Variants in NEK7 observed in about 807,000 individuals in gnomAD.
NEK7 encodes serine/threonine-protein kinase Nek7.
NEK7 carries 18 observed loss-of-function variants against 44.6 expected under a neutral mutation model. The ratio of observed to expected loss-of-function variants is 0.40; its 90% confidence interval spans 0.28 to 0.60. NEK7 has a LOEUF of 0.60. Ranked by LOEUF, NEK7 falls within the 20% of genes least tolerant of loss-of-function variation. The pLI is 0.38. For synonymous variants in NEK7, 130 were observed against 121.1 expected (o/e 1.07, Z -0.48); for missense variants, 256 against 366.5 (o/e 0.70, Z 2.46).
chr1:198,257,641 C>G (rs1183613874), intron 3 of NEK7, among the ~76,000 whole-genome samples: 1 of 152,066 alleles, frequency 6.6e-6, no homozygotes, highest in Non-Finnish European at 1.5e-5. Flanking sequence ...GAAAACTAAG[C>G]ATTTGTAAGA....
intron 1 of NEK7, among the ~76,000 whole-genome samples, chr1:198,189,351 A>T (rs987729410): frequency 6.6e-6 from 1 of 152,170 alleles, no homozygotes; most frequent in Non-Finnish European, 1.5e-5. Context: ...TGAGAGAAAA[A>T]GTTCATATTT....
intron 1 of NEK7, among the ~76,000 whole-genome samples, chr1:198,171,859 A>G (rs1161201361): frequency 6.6e-6 from 1 of 152,034 alleles, no homozygotes; most frequent in Non-Finnish European, 1.5e-5. Context: ...ACTCACCTTG[A>G]GTGTCTTCTC....
chr1:198,253,216 T>A, intron 3 of NEK7, 36 bp downstream of exon 3: 1 of 1,384,460 alleles, frequency 7.2e-7, no homozygotes, highest in Non-Finnish European at 1.0e-6. Flanking sequence ...CAATGTAAAA[T>A]TATACTATGT....
intron 2 of NEK7, among the ~76,000 whole-genome samples, chr1:198,250,888 A>C (rs7539703): frequency 0.13 from 19,869 of 151,872 alleles, 1,993 homozygotes; most frequent in East Asian, 0.57. Flanking sequence ...CTCCTGCCTA[A>C]TTGCCCTGGC....
chr1:198,205,593 T>C (rs149787361), intron 1 of NEK7, among the ~76,000 whole-genome samples: 4 of 152,176 alleles, frequency 2.6e-5, no homozygotes, highest in African/African-American at 7.2e-5. Flanking sequence ...CTGTATTTGC[T>C]CTGGGAGAAA....
chr1:198,297,273 T>C, intron 9 of NEK7, 33 bp downstream of exon 9: 1 of 1,608,078 alleles, frequency 6.2e-7, no homozygotes, highest in Non-Finnish European at 8.5e-7. Context: ...GTTCTTCTGT[T>C]GTCCATTTTG....
At chr1:198,262,426 C>A in intron 3 of NEK7, 149 bp from the exon 4 acceptor site, 1 of 467,318 alleles carries the variant, frequency 2.1e-6, no homozygotes, top group South Asian at 3.8e-5. Flanking sequence ...ACATAAGATA[C>A]CTACAGAACT....
intron 1 of NEK7, among the ~76,000 whole-genome samples, chr1:198,188,907 G>A (rs953006105): frequency 1.3e-5 from 2 of 152,054 alleles, no homozygotes; most frequent in African/African-American, 4.8e-5. Context: ...AGTGGCACGT[G>A]GCAGATTATA....
chr1:198,260,399 C>T (rs1021472933), intron 3 of NEK7, among the ~76,000 whole-genome samples: 1 of 151,406 alleles, frequency 6.6e-6, no homozygotes, highest in Non-Finnish European at 1.5e-5. Flanking sequence ...AGTGATTTGC[C>T]ACTCATAGTC....
chr1:198,181,366 G>T (rs10158410), intron 1 of NEK7, among the ~76,000 whole-genome samples: 15,232 of 152,020 alleles, frequency 0.1, 982 homozygotes, highest in East Asian at 0.22. Context: ...GCTCTGGGAG[G>T]TAACTAATGC....
At chr1:198,160,748 A>G (rs957675940) in intron 1 of NEK7, among the ~76,000 whole-genome samples, 1 of 152,214 alleles carries the variant, frequency 6.6e-6, no homozygotes, top group Non-Finnish European at 1.5e-5. Flanking sequence ...ATTGTAATCA[A>G]ATATATGCAT....
At chr1:198,190,295 C>T (rs1334175503) in intron 1 of NEK7, among the ~76,000 whole-genome samples, 2 of 151,996 alleles carry the variant, frequency 1.3e-5, no homozygotes, top group Non-Finnish European at 2.9e-5. Flanking sequence ...TTAGAGACTC[C>T]TCTAAATTTC....
intron 2 of NEK7, among the ~76,000 whole-genome samples, chr1:198,235,578 T>C (rs954776284): frequency 1.3e-5 from 2 of 152,188 alleles, no homozygotes; most frequent in African/African-American, 4.8e-5. Flanking sequence ...TAGTAAAATT[T>C]TTACTCTTTA....
At chr1:198,282,127 C>T (rs983182078) in intron 7 of NEK7, among the ~76,000 whole-genome samples, 3 of 152,142 alleles carry the variant, frequency 2.0e-5, no homozygotes, top group African/African-American at 4.8e-5. Context: ...CTCTACTTTC[C>T]GTTCCCTCAT....
intron 1 of NEK7, among the ~76,000 whole-genome samples, chr1:198,214,947 A>G (rs1015907735): frequency 8.5e-5 from 13 of 152,308 alleles, no homozygotes; most frequent in Non-Finnish European, 1.9e-4. Flanking sequence ...CAGGTAACCT[A>G]CAATGGAAAC....
intron 5 of NEK7, 129 bp downstream of exon 5, chr1:198,264,364 T>C (rs1053592560): frequency 4.9e-6 from 3 of 615,190 alleles, no homozygotes; most frequent in African/African-American, 2.0e-5. Flanking sequence ...CTGATAGATA[T>C]GTAACAAATA....
intron 2 of NEK7, among the ~76,000 whole-genome samples, chr1:198,241,344 T>C (rs1666680162): frequency 6.6e-6 from 1 of 152,248 alleles, no homozygotes. Flanking sequence ...TCATATAGAA[T>C]ACATTTAATC....
rs139159919 is a variant in NEK7 at position 198,196,904 on chromosome 1, C to T, written c.-28-35649C>T. Among the ~76,000 whole-genome samples, 93 of 152,260 alleles carry T rather than the reference C, an allele frequency of 6.1e-4. 3 individuals are homozygous for T. The East Asian group carries it at 0.016, about 27-fold the overall frequency. On this transcript the variant is annotated intron_variant, in intron 1 of 9. Coordinates refer to ENST00000367385, the MANE Select transcript of NEK7 (RefSeq NM_133494.3). The stretch of plus-strand genomic sequence containing the variant: ...AGTCTACAGAGTCTGCCACAGTGAC[C>T]ATGAGTGCCACTGGTAACCTGAATA...
chr1:198,222,634 C>CA (rs1666102955), intron 1 of NEK7, among the ~76,000 whole-genome samples: 1 of 152,112 alleles, frequency 6.6e-6, no homozygotes, highest in African/African-American at 2.4e-5. Flanking sequence ...TCAAAACAAG[C>CA]AATGCTAACA....
Sources: gnomAD v4.1 joint callset for allele counts (sites outside exome capture counted in the v4.1 genomes callset) on GRCh38, gnomAD v4.1.1 for gene constraint, MANE v1.5 for transcripts, NCBI Gene and HGNC (gene_info 2026-07-23, HGNC 2026-07-21) for gene names.